BMPER: variants seen among roughly 807,000 people sequenced by gnomAD.
BMPER encodes BMP binding endothelial regulator, also known as BMP-binding endothelial regulator protein.
BMPER carries 45 observed loss-of-function variants against 87.3 expected under a neutral mutation model. The observed-to-expected ratio is 0.52, with a 90% CI of 0.41 to 0.66. BMPER has a LOEUF of 0.66. BMPER is among the 30% of genes least tolerant of loss of function. The pLI is 0.00. For synonymous variants in BMPER, 326 were observed against 316.2 expected, an observed-to-expected ratio of 1.03 and a Z score of -0.33; for missense variants, 784 against 867.5, an observed-to-expected ratio of 0.90 and a Z score of 1.21.
intron 8 of BMPER, among the ~76,000 whole-genome samples, chr7:34,054,294 A>G (rs1449502464): frequency 6.6e-6 from 1 of 152,174 alleles, no homozygotes; most frequent in Non-Finnish European, 1.5e-5. Flanking sequence ...ACACACATAC[A>G]CACACATACA....
intron 3 of BMPER, among the ~76,000 whole-genome samples, chr7:33,949,726 C>T (rs1391522927): frequency 6.6e-6 from 1 of 152,048 alleles, no homozygotes; most frequent in African/African-American, 2.4e-5. Flanking sequence ...ATTTTATCCA[C>T]CTGGCCTCAG....
chr7:33,973,433 C>A (rs116097133), intron 5 of BMPER, among the ~76,000 whole-genome samples: 6 of 152,328 alleles, frequency 3.9e-5, no homozygotes, highest in African/African-American at 1.4e-4. Flanking sequence ...GATCTTATGC[C>A]TGGGGCATTT....
At chr7:33,944,817 T>C (rs1784846014) in intron 3 of BMPER, among the ~76,000 whole-genome samples, 1 of 152,206 alleles carries the variant, frequency 6.6e-6, no homozygotes, top group Non-Finnish European at 1.5e-5. Flanking sequence ...TTACAGAAGT[T>C]TATATATATT....
intron 7 of BMPER, 79 bp from the exon 8 acceptor site, chr7:34,051,782 C>T (rs1562711629): frequency 5.8e-6 from 7 of 1,213,496 alleles, no homozygotes; most frequent in African/African-American, 1.5e-5. Flanking sequence ...GTATAATGGA[C>T]CTATGATGGA....
intron 13 of BMPER, among the ~76,000 whole-genome samples, chr7:34,121,940 T>C (rs1247810856): frequency 6.9e-6 from 1 of 145,758 alleles, no homozygotes; most frequent in Non-Finnish European, 1.5e-5. Context: ...GGGCAACATA[T>C]TGAGACCCCA....
rs1786663848 is a variant in BMPER, at chr7:34,004,172, T to G, written c.576+29388T>G. ...TTTATTCTTTCTTCTGCCAGTTCGA[T>G]CTGCTGTTGAACTCCTGCAGGAATT... On this transcript the variant is annotated intron_variant, in intron 6 of 14. Transcript: ENST00000649409. Among the ~76,000 whole-genome samples the G allele has an allele frequency of 2.0e-5, 3 of 152,158 alleles. No homozygotes were observed. In the South Asian group the frequency reaches 6.2e-4, roughly 31 times the overall value.
At chr7:34,075,471 T>G (rs913816708) in intron 11 of BMPER, among the ~76,000 whole-genome samples, 1 of 152,182 alleles carries the variant, frequency 6.6e-6, no homozygotes, top group Admixed American at 6.5e-5. Context: ...CCCCTTTACC[T>G]GTGCATTTGT....
intron 3 of BMPER, 49 bp from the exon 4 acceptor site, chr7:33,966,429 AC>A: frequency 6.7e-7 from 1 of 1,488,824 alleles, no homozygotes. Context: ...GGTAAAGGAA[AC>A]CCATACCCAT....
At chr7:34,141,876 G>A (rs1394211574) in intron 13 of BMPER, among the ~76,000 whole-genome samples, 6 of 152,018 alleles carry the variant, frequency 3.9e-5, no homozygotes, top group Admixed American at 3.9e-4. Flanking sequence ...TCTGTTTTTT[G>A]CTGTTTAATT....
chr7:34,108,164 T>C (rs1789871631), intron 13 of BMPER, among the ~76,000 whole-genome samples: 1 of 152,212 alleles, frequency 6.6e-6, no homozygotes, highest in Non-Finnish European at 1.5e-5. Flanking sequence ...ATTCCATAAG[T>C]CCAATTATTA....
chr7:34,082,115 C>G (rs1321533947), intron 12 of BMPER, among the ~76,000 whole-genome samples: 1 of 152,110 alleles, frequency 6.6e-6, no homozygotes, highest in African/African-American at 2.4e-5. Flanking sequence ...GGCTGCTGCT[C>G]GCATCCCCAG....
At chr7:34,076,710 G>A (rs1788874476) in intron 11 of BMPER, among the ~76,000 whole-genome samples, 1 of 152,112 alleles carries the variant, frequency 6.6e-6, no homozygotes, top group Non-Finnish European at 1.5e-5. Flanking sequence ...TTCTGCAACT[G>A]TTAGCTATTA....
chr7:33,981,939 G>A (rs1785875575), intron 6 of BMPER, among the ~76,000 whole-genome samples: 1 of 152,198 alleles, frequency 6.6e-6, no homozygotes, highest in Admixed American at 6.5e-5. Context: ...AGGAAGCTGT[G>A]GTGGCAGGAA....
intron 13 of BMPER, among the ~76,000 whole-genome samples, chr7:34,107,534 C>T (rs1464139046): frequency 6.6e-5 from 10 of 152,094 alleles, no homozygotes; most frequent in East Asian, 1.9e-4. Flanking sequence ...TCATTTGGAG[C>T]GTTATGTAAT....
intron 13 of BMPER, among the ~76,000 whole-genome samples, chr7:34,132,417 A>C (rs1790616387): frequency 6.6e-6 from 1 of 151,806 alleles, no homozygotes; most frequent in South Asian, 2.1e-4. Context: ...CCCAGGATCG[A>C]AGCCAGTTCT....
Position 34,059,715 on chromosome 7 carries a change from C to T in BMPER, c.1032+1552C>T, listed in dbSNP as rs558605042. On this transcript the variant is annotated intron_variant, in intron 10 of 14. Transcript: ENST00000649409. ...GAAATCTTGTTAAAAACTTACTTCC[C>T]CTCCCCTACATTGCCTGGGGAAATT... Among the ~76,000 whole-genome samples the T allele has an allele frequency of 8.6e-5, 13 of 150,800 alleles. No homozygotes were observed. In the South Asian group the frequency reaches 2.3e-3, roughly 27 times the overall value.
At chr7:34,129,577 G>GAGAGAGAGA (rs1195963861) in intron 13 of BMPER, among the ~76,000 whole-genome samples, 1 of 47,718 alleles carries the variant, frequency 2.1e-5, no homozygotes, top group African/African-American at 7.6e-5. Context: ...AAGGAAGGAA[G>GAGAGAGAGA]GAGAGAGAGA....
At chr7:33,947,402 GA>G (rs936449454) in intron 3 of BMPER, among the ~76,000 whole-genome samples, 18 of 151,694 alleles carry the variant, frequency 1.2e-4, no homozygotes, top group Admixed American at 9.9e-4. Context: ...ATGAAGGATT[GA>G]AAAAAAAGTC....
intron 6 of BMPER, among the ~76,000 whole-genome samples, chr7:34,004,688 A>G (rs921457435): frequency 2.6e-5 from 4 of 152,158 alleles, no homozygotes; most frequent in African/African-American, 9.7e-5. Context: ...TTCAATGGTC[A>G]GCTATTGACT....
Sources: gnomAD v4.1 joint callset for allele counts (sites outside exome capture counted in the v4.1 genomes callset) on GRCh38, gnomAD v4.1.1 for gene constraint, MANE v1.5 for transcripts, NCBI Gene and HGNC (gene_info 2026-07-23, HGNC 2026-07-21) for gene names.